The following ANTXR1 variants were observed in gnomAD, a reference collection of about 807,000 sequenced individuals.
ANTXR1 encodes ANTXR cell adhesion molecule 1.
ANTXR1 carries 19 observed loss-of-function variants against 78.1 expected under a neutral mutation model. The ratio of observed to expected loss-of-function variants is 0.24; its 90% CI spans 0.17 to 0.36. The LOEUF (loss-of-function observed/expected upper bound fraction) is 0.36, where lower values mean the gene tolerates loss of function less well. Ranked by LOEUF, ANTXR1 falls within the 10% of genes least tolerant of loss-of-function variation. The probability of loss-of-function intolerance (pLI) is 1.00; values close to 1 mark genes in which losing one functional copy is unlikely to be tolerated. For missense variants in ANTXR1, 518 were observed against 718.6 expected, an observed-to-expected ratio of 0.72 and a Z score of 3.19; for synonymous variants, 273 against 260.5, an observed-to-expected ratio of 1.05 and a Z score of -0.46.
chr2:69,045,534 A>C (rs1435650587), intron 3 of ANTXR1, among the ~76,000 whole-genome samples: 1 of 152,170 alleles, frequency 6.6e-6, no homozygotes, highest in African/African-American at 2.4e-5. Context: ...CATGGGGAAC[A>C]CATGTGGGAT....
chr2:69,114,426 A>G (rs1355393306), intron 10 of ANTXR1, among the ~76,000 whole-genome samples: 3 of 152,176 alleles, frequency 2.0e-5, no homozygotes, highest in Non-Finnish European at 2.9e-5. Flanking sequence ...CAGACAATCC[A>G]GATATCTGCA....
At chr2:69,140,980 A>C (rs1673052001) in intron 12 of ANTXR1, among the ~76,000 whole-genome samples, 1 of 152,204 alleles carries the variant, frequency 6.6e-6, no homozygotes, top group Admixed American at 6.5e-5. Flanking sequence ...GTGTTTCATT[A>C]TGTTACCCTC....
At chr2:69,072,966 G>A (rs1216445365) in intron 5 of ANTXR1, 56 bp from the exon 6 acceptor site, 6 of 1,515,196 alleles carry the variant, frequency 4.0e-6, no homozygotes, top group Admixed American at 3.3e-5. Flanking sequence ...GGACTGAGAG[G>A]GTGTTTCCTT....
intron 17 of ANTXR1, among the ~76,000 whole-genome samples, chr2:69,224,696 T>C (rs898586558): frequency 2.6e-5 from 4 of 152,080 alleles, no homozygotes; most frequent in Admixed American, 2.0e-4. Flanking sequence ...TGCTCTTCCA[T>C]CCCCAAACAT....
rs554620138 is a variant in ANTXR1, at chr2:69,124,994, T to C, written c.951+351T>C. 2.0e-5 allele frequency among the ~76,000 whole-genome samples: 3 copies of C among 152,180 alleles called. No individual in the cohort carries two copies. In the East Asian group the frequency reaches 5.8e-4, roughly 29 times the overall value. On this transcript the variant is annotated intron_variant, in intron 12 of 17. Coordinates refer to ENST00000303714, the MANE Select transcript of ANTXR1 (RefSeq NM_032208.3). Reference sequence around the variant, plus strand: ...TTAGGAGAGAATGGACGGAAGGGAATTGGACAGCATATACAGAAAGAACGT... The same window carrying C: ...TTAGGAGAGAATGGACGGAAGGGAACTGGACAGCATATACAGAAAGAACGT...
intron 14 of ANTXR1, among the ~76,000 whole-genome samples, chr2:69,172,038 C>G (rs1010462132): frequency 6.6e-6 from 1 of 152,158 alleles, no homozygotes; most frequent in African/African-American, 2.4e-5. Context: ...GGATAACTCA[C>G]GTGAACACCT....
intron 12 of ANTXR1, among the ~76,000 whole-genome samples, chr2:69,149,582 C>T (rs914462981): frequency 6.6e-6 from 1 of 152,182 alleles, no homozygotes; most frequent in Non-Finnish European, 1.5e-5. Flanking sequence ...TATTGAAGTA[C>T]TGCTGTTTTG....
intron 17 of ANTXR1, among the ~76,000 whole-genome samples, chr2:69,197,746 C>T (rs1035913977): frequency 6.6e-6 from 1 of 152,220 alleles, no homozygotes; most frequent in African/African-American, 2.4e-5. Context: ...GTCCCCAAGG[C>T]TTCCTGCACA....
intron 10 of ANTXR1, 96 bp from the exon 11 acceptor site, chr2:69,122,921 A>G: frequency 7.4e-7 from 1 of 1,347,116 alleles, no homozygotes; most frequent in South Asian, 1.2e-5. Context: ...TTTTTTTGGT[A>G]TCTCCCTGGA....
intron 3 of ANTXR1, among the ~76,000 whole-genome samples, chr2:69,060,399 G>C (rs1293598111): frequency 6.6e-6 from 1 of 152,116 alleles, no homozygotes; most frequent in Non-Finnish European, 1.5e-5. Context: ...ATGGAGTTTG[G>C]CTCTGAAGTC....
intron 17 of ANTXR1, among the ~76,000 whole-genome samples, chr2:69,197,608 G>A (rs1348559303): frequency 2.0e-5 from 3 of 152,114 alleles, no homozygotes; most frequent in East Asian, 3.9e-4. Context: ...ACAGTTTCCT[G>A]TAAATACAAA....
chr2:69,153,204 C>A (rs1673442120), intron 13 of ANTXR1, among the ~76,000 whole-genome samples: 2 of 152,068 alleles, frequency 1.3e-5, no homozygotes, highest in South Asian at 4.1e-4. Flanking sequence ...AGACAGTGAG[C>A]CTCTCCAGGA....
chr2:69,084,192 A>T (rs774002753), intron 8 of ANTXR1, among the ~76,000 whole-genome samples: 5 of 152,262 alleles, frequency 3.3e-5, no homozygotes, highest in Non-Finnish European at 7.3e-5. Context: ...TCACTTTTCC[A>T]GTCTGCTCAT....
intron 12 of ANTXR1, among the ~76,000 whole-genome samples, chr2:69,149,187 C>T (rs930312579): frequency 3.9e-5 from 6 of 152,196 alleles, no homozygotes; most frequent in Admixed American, 1.3e-4. Flanking sequence ...TGCCCCTGTG[C>T]ATTTCCACCC....
chr2:69,017,237 C>A (rs1283625895), intron 1 of ANTXR1, among the ~76,000 whole-genome samples: 3 of 152,162 alleles, frequency 2.0e-5, no homozygotes, highest in African/African-American at 7.2e-5. Context: ...AAGACATGAT[C>A]TTCTGTCCTA....
At chr2:69,140,571 T>G (rs1028868510) in intron 12 of ANTXR1, among the ~76,000 whole-genome samples, 1 of 152,242 alleles carries the variant, frequency 6.6e-6, no homozygotes, top group African/African-American at 2.4e-5. Context: ...CTCAGAACTT[T>G]CATGAATGCT....
Position 69,096,282 on chromosome 2 carries a change from A to G in ANTXR1, c.703+5363A>G, listed in dbSNP as rs9677563. Among the ~76,000 whole-genome samples the G allele has an allele frequency of 1.2e-3, 43 of 34,630 alleles. 3 individuals carry two copies. Among genetic ancestry groups the G allele is most frequent in the South Asian group, 3.4e-3 (4 of 1,192 alleles). The allele number at this position is 34,630 out of a possible 152,430, so 22.7% of individuals were successfully genotyped here. On this transcript the variant is annotated intron_variant, in intron 9 of 17. Transcript: ENST00000303714. ...AAAGGAAGGAAGGAAGGAAGGAAGGAAGGAAGGGAGGAAGGGAGGAAGGGA... is the reference window on the plus strand; with the variant it reads ...AAAGGAAGGAAGGAAGGAAGGAAGGGAGGAAGGGAGGAAGGGAGGAAGGGA...
chr2:69,111,155 G>T (rs924336494), intron 10 of ANTXR1, among the ~76,000 whole-genome samples: 4 of 152,166 alleles, frequency 2.6e-5, no homozygotes, highest in Non-Finnish European at 4.4e-5. Flanking sequence ...TTTAACATTT[G>T]GTTAGTTCCT....
chr2:69,032,022 A>T (rs1467799919), intron 1 of ANTXR1, among the ~76,000 whole-genome samples: 1 of 152,194 alleles, frequency 6.6e-6, no homozygotes, highest in Non-Finnish European at 1.5e-5. Flanking sequence ...AGATATTGTT[A>T]AAAAATATTC....
Sources: allele counts gnomAD v4.1 joint callset (sites outside exome capture counted in the v4.1 genomes callset), GRCh38; gene constraint gnomAD v4.1.1; transcripts MANE v1.5; gene names NCBI Gene and HGNC (gene_info 2026-07-23, HGNC 2026-07-21).